The following GAD1 variants were observed in gnomAD, a reference collection of about 807,000 sequenced individuals.
GAD1 encodes the protein 67 kDa glutamic acid decarboxylase.
GAD1 carries 35 observed loss-of-function variants against 75.2 expected under a neutral mutation model. The ratio of observed to expected loss-of-function variants is 0.47; its 90% CI spans 0.36 to 0.62. The LOEUF (loss-of-function observed/expected upper bound fraction) is 0.62, where lower values mean the gene tolerates loss of function less well. GAD1 is among the 20% of genes least tolerant of loss of function. The pLI, the probability that GAD1 is intolerant of heterozygous loss-of-function variation, is 0.00. For missense variants in GAD1, 490 were observed against 758.5 expected, an observed-to-expected ratio of 0.65 and a Z score of 4.16; for synonymous variants, 257 against 271.9, an observed-to-expected ratio of 0.95 and a Z score of 0.54.
At chr2:170,823,152 G>A (rs1701934837) in intron 3 of GAD1, among the ~76,000 whole-genome samples, 1 of 152,214 alleles carries the variant, frequency 6.6e-6, no homozygotes, top group African/African-American at 2.4e-5. Context: ...AGAGGCGGGG[G>A]AAGATTAACG....
chr2:170,859,828 G>C lies in GAD1; in HGVS notation c.1731G>C (p.Gln577His). The C allele has an allele frequency of 6.2e-7, 1 of 1,614,160 alleles. No homozygotes were observed. The highest frequency in any genetic ancestry group is 8.5e-7 in the Non-Finnish European group (1 of 1,180,036). The change falls in exon 17 of 17, where the codon CAG (glutamine) becomes CAC (histidine). Residue 577 changes from glutamine to histidine, a missense_variant. Gln to His is a conservative substitution (Grantham distance 24). This residue lies in a region of GAD1 where 324 missense variants were observed against 523.9 expected (regional missense o/e 0.62). Coordinates refer to ENST00000358196, the MANE Select transcript of GAD1 (RefSeq NM_000817.3). ...RMVISNPAAT[Q>H]SDIDFLIEEI... ...TCATCTCCAACCCAGCCGCTACCCA[G>C]TCTGACATTGACTTCCTCATTGAGG...
At chr2:170,848,561 T>C (rs2105803052) in intron 11 of GAD1, 4 of 400,208 alleles carry the variant, frequency 1.0e-5, no homozygotes, top group South Asian at 5.7e-5. Flanking sequence ...TAAGGCAGTA[T>C]ACGGAAGGCA....
chr2:170,851,956 C>T (rs923351114), intron 12 of GAD1, among the ~76,000 whole-genome samples: 1 of 152,112 alleles, frequency 6.6e-6, no homozygotes, highest in African/African-American at 2.4e-5. Flanking sequence ...TTTTAGGTGC[C>T]ACTCTTGATA....
At chr2:170,859,026 G>A (rs1382261717) in intron 16 of GAD1, 133 bp downstream of exon 16, 1 of 798,394 alleles carries the variant, frequency 1.3e-6, no homozygotes, top group African/African-American at 1.7e-5. Flanking sequence ...CTAGTAATGG[G>A]GTGGTGGGGA....
At chr2:170,836,065 C>A (rs1488029317) in intron 5 of GAD1, among the ~76,000 whole-genome samples, 1 of 151,736 alleles carries the variant, frequency 6.6e-6, no homozygotes, top group African/African-American at 2.4e-5. Flanking sequence ...AGAGTTAGAC[C>A]AGGAACATTC....
intron 12 of GAD1, among the ~76,000 whole-genome samples, chr2:170,851,376 C>A (rs72889272): frequency 0.014 from 2,122 of 152,244 alleles, 18 homozygotes; most frequent in Non-Finnish European, 0.022. Context: ...GACACTGATG[C>A]TTTTTAGTGA....
In GAD1 at chr2:170,829,538, G is replaced by A. The variant is rs1475821513; in HGVS notation, c.209G>A (p.Arg70Lys). The change falls in exon 4 of 17, where the codon AGG becomes AAG. Residue 70 changes from arginine (R) to lysine (K), a missense_variant. This residue lies in a region of GAD1 where 165 missense variants were observed against 216.4 expected (regional missense o/e 0.76). Coordinates refer to ENST00000358196, the MANE Select transcript of GAD1 (RefSeq NM_000817.3). ...CGCCTTGTGAGTGCCTTCAAGGAGA[G>A]GCAATCCTCCAAGAACCTGCTTTCC... ...KSRLVSAFKE[R>K]QSSKNLLSCE... The A allele has an allele frequency of 1.2e-6, 2 of 1,613,960 alleles. No homozygotes were observed. Among genetic ancestry groups the A allele is most frequent in the Admixed American group, 3.3e-5 (2 of 60,020 alleles).
intron 5 of GAD1, among the ~76,000 whole-genome samples, chr2:170,834,678 T>G (rs1282146261): frequency 6.6e-6 from 1 of 152,172 alleles, no homozygotes; most frequent in Non-Finnish European, 1.5e-5. Context: ...TATCAGCTTT[T>G]ACCTGTACCG....
chr2:170,839,514 T>C (rs1474598615), intron 6 of GAD1, among the ~76,000 whole-genome samples: 1 of 151,272 alleles, frequency 6.6e-6, no homozygotes, highest in Admixed American at 6.6e-5. Context: ...CTCAGGAGGC[T>C]GAGGCAGGAG....
In GAD1 at chr2:170,853,345, ACTT is replaced by A. The variant is rs1274379106; in HGVS notation, c.1264-525_1264-523del. The A allele has an allele frequency of 5.6e-5, 11 of 196,936 alleles. No homozygotes were observed. The highest frequency in any genetic ancestry group is 2.6e-4 in the African/African-American group (11 of 42,914). The allele number at this position is 196,936 out of a possible 1,614,324, so 12.2% of individuals were successfully genotyped here. The stretch of plus-strand genomic sequence containing the variant: ...TCCAAGGCTTTGTTGCTCCAGTAAA[ACTT>A]CTGCACACAGAAGCATTCCAAAAAG... On this transcript the variant is annotated intron_variant, in intron 13 of 16. Coordinates refer to ENST00000358196, the MANE Select transcript of GAD1 (RefSeq NM_000817.3). The surrounding 1 kb of genome is among the most constrained non-coding windows in gnomAD (Gnocchi z 4.1).
chr2:170,825,839 C>T (rs1054474348), intron 3 of GAD1, among the ~76,000 whole-genome samples: 1 of 152,204 alleles, frequency 6.6e-6, no homozygotes, highest in Non-Finnish European at 1.5e-5. Context: ...CAGTTACCCA[C>T]AGGCTTAAAC....
intron 7 of GAD1, among the ~76,000 whole-genome samples, chr2:170,844,659 G>T (rs1174182393): frequency 6.6e-6 from 1 of 152,114 alleles, no homozygotes; most frequent in Non-Finnish European, 1.5e-5. Flanking sequence ...CTGGGGATCA[G>T]TGAATCAAGA....
chr2:170,843,889 G>A (rs532034120), intron 6 of GAD1, 156 bp from the exon 7 acceptor site: 42 of 636,148 alleles, frequency 6.6e-5, no homozygotes, highest in African/African-American at 5.1e-4. Flanking sequence ...TATGATCGGC[G>A]ACTTAATGCA....
chr2:170,832,695 C>CACAT (rs895613808), intron 5 of GAD1, among the ~76,000 whole-genome samples: 1 of 151,734 alleles, frequency 6.6e-6, no homozygotes, highest in African/African-American at 2.4e-5. Flanking sequence ...CACACACACA[C>CACAT]ATACACACAT....
intron 15 of GAD1, among the ~76,000 whole-genome samples, chr2:170,857,363 GC>G (rs888617803): frequency 1.3e-5 from 2 of 151,978 alleles, no homozygotes; most frequent in African/African-American, 4.8e-5. Context: ...GTTGCTCTTG[GC>G]CAGCTTTTGG....
rs776155772 is a variant in GAD1 at position 170,859,897 on chromosome 2, A to G, written c.*15A>G. The G allele has an allele frequency of 1.9e-6, 3 of 1,613,120 alleles. No individual in the cohort carries two copies. Among genetic ancestry groups the G allele is most frequent in the South Asian group, 2.2e-5 (2 of 90,768 alleles). ...AGGATCTGTAATCATCCTTCGCAGA[A>G]CATGAGTTTATGGGAATGCCTTTTC... On this transcript the variant is annotated 3_prime_UTR_variant, in exon 17 of 17. Transcript: ENST00000358196.
intron 7 of GAD1, 91 bp from the exon 8 acceptor site, chr2:170,845,415 C>A: frequency 9.0e-7 from 1 of 1,113,316 alleles, no homozygotes; most frequent in Non-Finnish European, 1.4e-6. Flanking sequence ...TCCTGACCTC[C>A]CTTGTCTCTT....
intron 6 of GAD1, among the ~76,000 whole-genome samples, chr2:170,839,995 A>G (rs192696381): frequency 5.9e-5 from 9 of 152,356 alleles, no homozygotes; most frequent in African/African-American, 2.2e-4. Context: ...AGGTCATTAG[A>G]TAGGAGCCTG....
Position 170,825,958 on chromosome 2 carries a change from G to A in GAD1, c.146-3517G>A, listed in dbSNP as rs752881451. Reference sequence around the variant, plus strand: ...TAGCCAGGGAAATTGTCAAGGCACTGACCTCCATGTCATCCACCACCTCTT... The same window carrying A: ...TAGCCAGGGAAATTGTCAAGGCACTAACCTCCATGTCATCCACCACCTCTT... On this transcript the variant is annotated intron_variant, in intron 3 of 16. Transcript: ENST00000358196. 6.3e-4 allele frequency among the ~76,000 whole-genome samples: 96 copies of A among 152,146 alleles called. 1 individual carries two copies. Among genetic ancestry groups the A allele is most frequent in the Non-Finnish European group, 2.9e-5 (2 of 68,028 alleles).
Sources: allele counts gnomAD v4.1 joint callset (sites outside exome capture counted in the v4.1 genomes callset), GRCh38; gene constraint gnomAD v4.1.1; regional missense constraint gnomAD v4.1.1; non-coding constraint Gnocchi (gnomAD v3.1); transcripts MANE v1.5; gene names NCBI Gene and HGNC (gene_info 2026-07-23, HGNC 2026-07-21).